Variants in SCN2A observed in about 807,000 individuals in gnomAD.
The protein encoded by SCN2A is sodium voltage-gated channel alpha subunit 2.
A neutral mutation model predicts 188.7 loss-of-function variants in SCN2A; 20 were observed. The ratio of observed to expected loss-of-function variants is 0.11; its 90% CI spans 0.07 to 0.15. The LOEUF is 0.15. Ranked by LOEUF, SCN2A falls within the 10% of genes least tolerant of loss-of-function variation. The pLI is 1.00. For missense variants in SCN2A, 1,278 were observed against 2,445.0 expected (o/e 0.52, Z 10.07); for synonymous variants, 804 against 833.1 (o/e 0.97, Z 0.60).
intron 1 of SCN2A, among the ~76,000 whole-genome samples, chr2:165,250,538 CA>C (rs530002330): frequency 3.8e-4 from 57 of 150,620 alleles, no homozygotes; most frequent in African/African-American, 1.2e-3. Flanking sequence ...CATATACACA[CA>C]AAAAAAATCT....
intron 1 of SCN2A, among the ~76,000 whole-genome samples, chr2:165,286,527 T>C (rs1215739383): frequency 2.0e-5 from 3 of 152,150 alleles, no homozygotes; most frequent in Non-Finnish European, 4.4e-5. Flanking sequence ...TGTTTGACAT[T>C]GTATGTTGGA....
intron 19 of SCN2A, among the ~76,000 whole-genome samples, chr2:165,369,158 G>A (rs1209579379): frequency 6.6e-6 from 1 of 152,168 alleles, no homozygotes; most frequent in African/African-American, 2.4e-5. Flanking sequence ...CGAACTCCTG[G>A]CCTCAAGAGA....
intron 23 of SCN2A, among the ~76,000 whole-genome samples, chr2:165,377,896 T>C (rs1701393791): frequency 6.6e-6 from 1 of 151,878 alleles, no homozygotes; most frequent in African/African-American, 2.4e-5. Flanking sequence ...ACACAAAACT[T>C]TATTGTATGT....
Position 165,392,190 on chromosome 2 carries a change from G to C in SCN2A, c.*2366G>C, listed in dbSNP as rs563221970. 1 of 152,522 alleles carries C rather than the reference G, an allele frequency of 6.6e-6. No individual in the cohort carries two copies. The highest frequency in any genetic ancestry group is 1.5e-5 in the Non-Finnish European group (1 of 67,952). 9.4% of individuals were successfully genotyped at this position (152,522 alleles called of 1,614,324 possible). A position where few individuals can be genotyped will look rare whatever the true frequency, so the allele number is the denominator to read the frequency against. Reference sequence around the variant, plus strand: ...CATCTTTCAATTTTTTCATGGAATGGAAGTTAATTAAGAAGAGTGTATTGG... The same window carrying C: ...CATCTTTCAATTTTTTCATGGAATGCAAGTTAATTAAGAAGAGTGTATTGG... On this transcript the variant is annotated 3_prime_UTR_variant, in exon 27 of 27. Transcript: ENST00000375437.
intron 2 of SCN2A, chr2:165,296,383 A>G (rs994316978): frequency 5.4e-6 from 2 of 373,100 alleles, no homozygotes; most frequent in African/African-American, 4.1e-5. Context: ...TGCTTAAACC[A>G]GTGTAAATTG....
At chr2:165,278,469 G>T (rs1695440494) in intron 1 of SCN2A, among the ~76,000 whole-genome samples, 1 of 152,132 alleles carries the variant, frequency 6.6e-6, no homozygotes, top group Non-Finnish European at 1.5e-5. Flanking sequence ...GATTTTGTAA[G>T]AACTCACTCA....
In SCN2A at chr2:165,260,956, G is replaced by A. The variant is rs1694566902; in HGVS notation, c.-52+21316G>A. Reference sequence around the variant, plus strand: ...CTGCACTCCAGCCTGGGTGACAAGAGTGAAACTCCGTCTCAAAAAAAAAAA... The same window carrying A: ...CTGCACTCCAGCCTGGGTGACAAGAATGAAACTCCGTCTCAAAAAAAAAAA... On this transcript the variant is annotated intron_variant, in intron 1 of 26. Coordinates refer to ENST00000375437, the MANE Select transcript of SCN2A (RefSeq NM_001040142.2). Among the ~76,000 whole-genome samples the A allele has an allele frequency of 4.5e-5, 5 of 111,896 alleles. No individual in the cohort carries two copies. The South Asian group carries it at 1.5e-3, about 34-fold the overall frequency. The allele number at this position is 111,896 out of a possible 152,430, so 73.4% of individuals were successfully genotyped here. A position where few individuals can be genotyped will look rare whatever the true frequency, so the allele number is the denominator to read the frequency against.
At chr2:165,366,705 G>A (rs1423606431) in intron 18 of SCN2A, among the ~76,000 whole-genome samples, 1 of 106,854 alleles carries the variant, frequency 9.4e-6, no homozygotes, top group Non-Finnish European at 1.8e-5. Flanking sequence ...ACAATAGAGT[G>A]AGACTCCCTC....
In SCN2A at chr2:165,314,120, A is replaced by G. The variant is rs747767335; in HGVS notation, c.1383+12A>G. 1 of 1,611,770 alleles carries G rather than the reference A, an allele frequency of 6.2e-7. No homozygotes were observed. The highest frequency in any genetic ancestry group is 8.5e-7 in the Non-Finnish European group (1 of 1,178,526). On this transcript the variant is annotated intron_variant, in intron 10 of 26. Transcript: ENST00000375437. ...AAGAAGAAGCTCAGGTATAGTGAAC[A>G]AGCATACGGTCCTTTGTTTTTCTTT... is the stretch of plus-strand genomic sequence containing the variant.
chr2:165,360,966 G>C (rs1028787187), intron 17 of SCN2A, among the ~76,000 whole-genome samples: 18 of 151,784 alleles, frequency 1.2e-4, no homozygotes, highest in African/African-American at 4.4e-4. Context: ...TGTTCTAATT[G>C]GTGACTATGT....
At chr2:165,240,844 A>G (rs1020101173) in intron 1 of SCN2A, among the ~76,000 whole-genome samples, 1 of 152,140 alleles carries the variant, frequency 6.6e-6, no homozygotes. Context: ...CATGAAAAAA[A>G]CATGTTTTTT....
chr2:165,264,832 G>A (rs1249157668), intron 1 of SCN2A, among the ~76,000 whole-genome samples: 27 of 152,050 alleles, frequency 1.8e-4, no homozygotes, highest in Admixed American at 1.8e-3. Flanking sequence ...AATATTCTGT[G>A]TTGTATATGT....
chr2:165,332,085 A>G lies in SCN2A; in HGVS notation c.2388+517A>G, dbSNP rs143900535. Among the ~76,000 whole-genome samples the G allele has an allele frequency of 3.8e-3, 585 of 151,986 alleles. 6 individuals carry two copies. The East Asian group carries it at 0.048, about 13-fold the overall frequency. ...TTTATTTAATTTTGTTAAAATATAT[A>G]TTAGCATTTACTGGATACATATTGA... On this transcript the variant is annotated intron_variant, in intron 14 of 26. Coordinates refer to ENST00000375437, the MANE Select transcript of SCN2A (RefSeq NM_001040142.2).
intron 24 of SCN2A, 38 bp downstream of exon 24, chr2:165,380,767 G>T: frequency 6.9e-7 from 1 of 1,453,636 alleles, no homozygotes. Flanking sequence ...TCTGAAATAT[G>T]AACTAAATAT....
chr2:165,334,639 C>A (rs996635487), intron 14 of SCN2A, among the ~76,000 whole-genome samples: 1 of 151,750 alleles, frequency 6.6e-6, no homozygotes, highest in South Asian at 2.1e-4. Context: ...AACACCATCT[C>A]AAAAGACCCC....
At chr2:165,362,778 T>A (rs1205348840) in intron 17 of SCN2A, among the ~76,000 whole-genome samples, 1 of 152,038 alleles carries the variant, frequency 6.6e-6, no homozygotes, top group Admixed American at 6.6e-5. Flanking sequence ...CCAACTGAAA[T>A]AATTTGACCC....
intron 23 of SCN2A, 37 bp from the exon 24 acceptor site, chr2:165,380,555 A>G (rs775420437): frequency 2.0e-6 from 3 of 1,478,994 alleles, no homozygotes; most frequent in Non-Finnish European, 2.8e-6. Context: ...TGAAACAAGT[A>G]CTAGATATAA....
At chr2:165,290,748 G>C (rs1042781490) in intron 1 of SCN2A, 16 of 984,824 alleles carry the variant, frequency 1.6e-5, no homozygotes, top group South Asian at 1.4e-4. Flanking sequence ...TTGTGCGCTT[G>C]ATTGCAGTAG....
rs2227900 is a variant in SCN2A, at chr2:165,313,680, G to A, written c.1095G>A (p.Thr365=). Residue 365 remains threonine, a synonymous_variant, in exon 9 of 27, where the codon ACG becomes ACA. Transcript: ENST00000375437. ...KAGRNPNYGY[T]SFDTFSWAFL... ...GTAGAAACCCCAACTATGGCTACAC[G>A]AGCTTTGACACCTTTAGTTGGGCCT... The A allele has an allele frequency of 6.8e-6, 11 of 1,613,538 alleles. No homozygotes were observed. The highest frequency in any genetic ancestry group is 1.1e-5 in the South Asian group (1 of 91,070).
Sources: gnomAD v4.1 joint callset for allele counts (sites outside exome capture counted in the v4.1 genomes callset) on GRCh38, gnomAD v4.1.1 for gene constraint, MANE v1.5 for transcripts, NCBI Gene and HGNC (gene_info 2026-07-23, HGNC 2026-07-21) for gene names.